ZFHX3: variants seen among roughly 807,000 people sequenced by gnomAD.
ZFHX3 encodes zinc finger homeobox 3.
ZFHX3 carries 42 observed loss-of-function variants against 279.1 expected under a neutral mutation model. The observed-to-expected ratio is 0.15, with a 90% CI of 0.12 to 0.19. The LOEUF is 0.19. Ranked by LOEUF, ZFHX3 falls within the 10% of genes least tolerant of loss-of-function variation. The pLI, the probability that ZFHX3 is intolerant of heterozygous loss-of-function variation, is 1.00. For missense variants in ZFHX3, 4,981 were observed against 4,754.0 expected (o/e 1.05, Z -1.40); for synonymous variants, 2,293 against 1,957.8 (o/e 1.17, Z -4.52).
At chr16:72,833,160 C>T (rs991139303) in intron 4 of ZFHX3, among the ~76,000 whole-genome samples, 9 of 152,218 alleles carry the variant, frequency 5.9e-5, no homozygotes, top group African/African-American at 1.2e-4. Context: ...CTTGGTCTCC[C>T]GGCCCTGGAA....
At chr16:73,596,404 G>A (rs79216452) in intron 2 of ZFHX3, among the ~76,000 whole-genome samples, 1 of 152,014 alleles carries the variant, frequency 6.6e-6, no homozygotes, top group South Asian at 2.1e-4. Context: ...TTGCCTCCAG[G>A]GTGGAGTTTC....
intron 2 of ZFHX3, among the ~76,000 whole-genome samples, chr16:73,629,270 A>G (rs1408000922): frequency 6.6e-6 from 1 of 152,090 alleles, no homozygotes; most frequent in East Asian, 1.9e-4. Context: ...GGAATTTCAT[A>G]TGGTATTCAG....
intron 3 of ZFHX3, among the ~76,000 whole-genome samples, chr16:73,358,555 G>T (rs2016383236): frequency 6.6e-6 from 1 of 152,210 alleles, no homozygotes; most frequent in Non-Finnish European, 1.5e-5. Flanking sequence ...CCCAAGCTAA[G>T]CTGTGCCCAG....
chr16:73,307,461 T>C (rs2015208811), intron 4 of ZFHX3, among the ~76,000 whole-genome samples: 1 of 152,236 alleles, frequency 6.6e-6, no homozygotes, highest in Non-Finnish European at 1.5e-5. Context: ...CTCTCTTGTT[T>C]CTCTGAAACG....
Position 73,801,191 on chromosome 16 carries a change from G to A in ZFHX3, c.-1608+90460C>T, listed in dbSNP as rs115647915. Reference sequence around the variant, plus strand: ...AAAAAGGGATTTGTTTATTTTCATCGGCTGCCTTTTTTATCCCCACTGGTA... The same window carrying A: ...AAAAAGGGATTTGTTTATTTTCATCAGCTGCCTTTTTTATCCCCACTGGTA... On this transcript the variant is annotated intron_variant, in intron 1 of 17. Coordinates refer to the ZFHX3 transcript ENST00000641206. Among the ~76,000 whole-genome samples the A allele has an allele frequency of 3.4e-3, 522 of 152,018 alleles. 8 individuals are homozygous for A. Among genetic ancestry groups the A allele is most frequent in the African/African-American group, 0.012 (488 of 41,448 alleles).
At chr16:73,519,048 G>A (rs1438363872) in intron 2 of ZFHX3, among the ~76,000 whole-genome samples, 2 of 152,172 alleles carry the variant, frequency 1.3e-5, no homozygotes, top group African/African-American at 4.8e-5. Context: ...TAAGTAAGCA[G>A]ATAGATGTAA....
intron 1 of ZFHX3, among the ~76,000 whole-genome samples, chr16:73,889,713 C>A (rs2030466144): frequency 1.3e-5 from 2 of 152,172 alleles, no homozygotes; most frequent in African/African-American, 2.4e-5. Flanking sequence ...TTCTCACACA[C>A]AGGAGCTATT....
Position 73,364,221 on chromosome 16 carries a change from T to C in ZFHX3, c.-1290-45885A>G, listed in dbSNP as rs2016488493. Among the ~76,000 whole-genome samples the C allele has an allele frequency of 2.0e-5, 3 of 151,606 alleles. No homozygotes were observed. The South Asian group carries it at 6.2e-4, about 32-fold the overall frequency. On this transcript the variant is annotated intron_variant, in intron 3 of 17. Transcript: ENST00000641206. ...AAGTAGGAACAAGTAAGGTCATGGG[T>C]ACATATAACCATAACAAATGCCGTC...
At chr16:73,525,981 A>G (rs2019685260) in intron 2 of ZFHX3, among the ~76,000 whole-genome samples, 1 of 152,144 alleles carries the variant, frequency 6.6e-6, no homozygotes, top group African/African-American at 2.4e-5. Context: ...ACTTTGTACA[A>G]TCCCTGCCTC....
intron 3 of ZFHX3, among the ~76,000 whole-genome samples, chr16:73,405,886 A>G (rs2017349858): frequency 6.6e-6 from 1 of 152,240 alleles, no homozygotes. Context: ...AGGAGCGGAA[A>G]TGCCTGGGAC....
chr16:73,303,081 TAC>T (rs1935417113), intron 4 of ZFHX3, among the ~76,000 whole-genome samples: 1 of 151,370 alleles, frequency 6.6e-6, no homozygotes, highest in South Asian at 2.1e-4. Flanking sequence ...CAGCCTGGAG[TAC>T]AGTGATGTGA....
intron 5 of ZFHX3, among the ~76,000 whole-genome samples, chr16:73,248,629 T>G (rs1046075054): frequency 7.2e-6 from 1 of 139,554 alleles, no homozygotes; most frequent in African/African-American, 2.8e-5. Context: ...TCTACGTGCC[T>G]GTATGTGGAG....
intron 1 of ZFHX3, among the ~76,000 whole-genome samples, chr16:72,983,870 C>G (rs1285266017): frequency 6.6e-6 from 1 of 152,168 alleles, no homozygotes; most frequent in Non-Finnish European, 1.5e-5. Flanking sequence ...AGGGTAAGGC[C>G]CTGCTCAGTA....
intron 5 of ZFHX3, among the ~76,000 whole-genome samples, chr16:73,192,925 C>A (rs1968074119): frequency 6.6e-6 from 1 of 152,178 alleles, no homozygotes; most frequent in Non-Finnish European, 1.5e-5. Flanking sequence ...TCTGCAACTT[C>A]CTAACTATGC....
At chr16:73,304,873 GA>G (rs1452240638) in intron 4 of ZFHX3, among the ~76,000 whole-genome samples, 1 of 152,064 alleles carries the variant, frequency 6.6e-6, no homozygotes, top group Non-Finnish European at 1.5e-5. Flanking sequence ...GCACTTCTAT[GA>G]ACTCCTTGCC....
At chr16:73,352,878 C>T (rs763031367) in intron 3 of ZFHX3, among the ~76,000 whole-genome samples, 2 of 152,154 alleles carry the variant, frequency 1.3e-5, no homozygotes, top group Non-Finnish European at 1.5e-5. Flanking sequence ...GTCAATCAGC[C>T]GTGCTATCCA....
At chr16:73,358,191 C>T (rs999362710) in intron 3 of ZFHX3, among the ~76,000 whole-genome samples, 2 of 152,228 alleles carry the variant, frequency 1.3e-5, no homozygotes, top group Non-Finnish European at 2.9e-5. Context: ...CCCCCAGCAC[C>T]GTCCACTCCC....
At chr16:73,651,707 AAGCCG>A (rs2052673319) in intron 2 of ZFHX3, among the ~76,000 whole-genome samples, 1 of 82,850 alleles carries the variant, frequency 1.2e-5, no homozygotes, top group Non-Finnish European at 2.6e-5. Flanking sequence ...AAAAAAAAAA[AAGCCG>A]GGCGTGGTGG....
chr16:72,985,274 C>T (rs1962797072), intron 1 of ZFHX3, among the ~76,000 whole-genome samples: 1 of 152,316 alleles, frequency 6.6e-6, no homozygotes, highest in East Asian at 1.9e-4. Flanking sequence ...CAGGCGCCAC[C>T]GACATCTCTC....
Sources: allele counts gnomAD v4.1 joint callset (sites outside exome capture counted in the v4.1 genomes callset), GRCh38; gene constraint gnomAD v4.1.1; transcripts MANE v1.5; gene names NCBI Gene and HGNC (gene_info 2026-07-23, HGNC 2026-07-21).